Variants in CHN2 observed in about 807,000 individuals in gnomAD.
CHN2 encodes chimerin 2, also known as beta-chimaerin.
Under a neutral mutation model 56.3 loss-of-function variants are expected in CHN2, and 35 were observed. The ratio of observed to expected loss-of-function variants is 0.62; its 90% CI spans 0.47 to 0.82. CHN2 has a LOEUF of 0.82. CHN2 is among the 40% of genes least tolerant of loss of function. The pLI is 0.00. For missense variants in CHN2, 491 were observed against 580.5 expected, an observed-to-expected ratio of 0.85 and a Z score of 1.58; for synonymous variants, 210 against 212.8, an observed-to-expected ratio of 0.99 and a Z score of 0.12.
At chr7:29,457,189 G>C (rs1784829503) in intron 6 of CHN2, among the ~76,000 whole-genome samples, 1 of 152,168 alleles carries the variant, frequency 6.6e-6, no homozygotes, top group African/African-American at 2.4e-5. Flanking sequence ...GCAGGTCCTG[G>C]ATGACCTCAG....
chr7:29,264,820 GAAAA>G, intron 1 of CHN2, among the ~76,000 whole-genome samples: 1 of 124,480 alleles, frequency 8.0e-6, no homozygotes, highest in African/African-American at 2.9e-5. Flanking sequence ...ACTAAAAGGG[GAAAA>G]AAAAAAAAAG....
At position 29,345,956 on chromosome 7, in the gene CHN2, G is replaced by A. The variant is rs114106102; in HGVS notation, c.50-8669G>A. On this transcript the variant is annotated intron_variant, in intron 1 of 12. Transcript: ENST00000222792. ...ACTATTCTCTGCAAGTGGGACTCAA[G>A]CAGTTAGAAAAATCCGTGCTATGAG... Among the ~76,000 whole-genome samples the A allele has an allele frequency of 2.2e-3, 329 of 152,228 alleles. 1 individual carries two copies. Among genetic ancestry groups the A allele is most frequent in the African/African-American group, 7.6e-3 (316 of 41,532 alleles).
chr7:29,298,246 A>C (rs941538491), intron 1 of CHN2, among the ~76,000 whole-genome samples: 20 of 152,220 alleles, frequency 1.3e-4, no homozygotes, highest in African/African-American at 3.9e-4. Flanking sequence ...TGGCTTCATC[A>C]GCAGGAATTA....
chr7:29,201,001 C>T (rs1053426534), intron 1 of CHN2, among the ~76,000 whole-genome samples: 4 of 152,186 alleles, frequency 2.6e-5, no homozygotes, highest in East Asian at 1.9e-4. Context: ...ATTAATTGTA[C>T]ACCTTTGTGA....
intron 6 of CHN2, among the ~76,000 whole-genome samples, chr7:29,434,046 TC>T (rs1403472517): frequency 6.6e-6 from 1 of 152,200 alleles, no homozygotes; most frequent in Non-Finnish European, 1.5e-5. Context: ...CTCTTGGCCA[TC>T]TTTTCTTCCT....
At position 29,434,709 on chromosome 7, in the gene CHN2, T is replaced by C. The variant is rs1336020249; in HGVS notation, c.576+33881T>C. On this transcript the variant is annotated intron_variant, in intron 6 of 12. Transcript: ENST00000222792. ...CAAATAAGGCCATAGTCGCAGGTAC[T>C]GGGGTTGAATATATCTTTTGGAGAA... Among the ~76,000 whole-genome samples the C allele has an allele frequency of 3.3e-5, 5 of 152,358 alleles. No individual in the cohort carries two copies. The East Asian group carries it at 9.6e-4, about 29-fold the overall frequency.
intron 6 of CHN2, among the ~76,000 whole-genome samples, chr7:29,420,625 A>C (rs1247000151): frequency 6.6e-6 from 1 of 152,184 alleles, no homozygotes; most frequent in Non-Finnish European, 1.5e-5. Context: ...TGAAATGCAG[A>C]ATGGTTGTCA....
At chr7:29,483,861 C>A (rs1468184688) in intron 7 of CHN2, 2 of 1,300,148 alleles carry the variant, frequency 1.5e-6, no homozygotes, top group Non-Finnish European at 1.0e-6. Flanking sequence ...CTGGCCACAC[C>A]ATGTTCTTCC....
intron 3 of CHN2, among the ~76,000 whole-genome samples, chr7:29,382,078 T>C (rs193228380): frequency 8.5e-5 from 13 of 152,310 alleles, no homozygotes; most frequent in Non-Finnish European, 8.8e-5. Context: ...ACCTCTTGGG[T>C]AATCATGAGG....
intron 9 of CHN2, among the ~76,000 whole-genome samples, chr7:29,504,028 C>G (rs1160790498): frequency 6.6e-6 from 1 of 152,188 alleles, no homozygotes; most frequent in Non-Finnish European, 1.5e-5. Flanking sequence ...ATAACCAAAA[C>G]TTTATTTTCC....
intron 3 of CHN2, among the ~76,000 whole-genome samples, chr7:29,387,545 A>C (rs1801012457): frequency 6.6e-6 from 1 of 152,210 alleles, no homozygotes; most frequent in Non-Finnish European, 1.5e-5. Context: ...TCAAACTTTA[A>C]TGTATCTATG....
At chr7:29,172,389 G>A (rs1796717789) in intron 2 of CHN2, among the ~76,000 whole-genome samples, 1 of 152,156 alleles carries the variant, frequency 6.6e-6, no homozygotes, top group Non-Finnish European at 1.5e-5. Flanking sequence ...GATAGCATCA[G>A]TGTCTAAAGT....
rs1413538744 is a variant in CHN2, at chr7:29,513,677, T to G, written c.*942T>G. 6.6e-6 allele frequency: 1 copy of G among 152,466 alleles called. No homozygotes were observed. Among genetic ancestry groups the G allele is most frequent in the African/African-American group, 2.4e-5 (1 of 41,462 alleles). 9.4% of individuals were successfully genotyped at this position (152,466 alleles called of 1,614,324 possible). A position where few individuals can be genotyped will look rare whatever the true frequency, so the allele number is the denominator to read the frequency against. On this transcript the variant is annotated 3_prime_UTR_variant, in exon 13 of 13. Transcript: ENST00000222792. ...CATCTGTTAATATCAAATTGTATTT[T>G]TGCCACATTTCTGTATTGGTGAAAA... is the stretch of plus-strand genomic sequence containing the variant.
chr7:29,368,024 T>C (rs375693912), intron 3 of CHN2, 37 bp downstream of exon 3: 17 of 1,559,258 alleles, frequency 1.1e-5, no homozygotes, highest in African/African-American at 1.4e-5. Flanking sequence ...CCTTGTTAAA[T>C]ATGATGAATT....
At chr7:29,304,692 G>T (rs1314475338) in intron 1 of CHN2, among the ~76,000 whole-genome samples, 1 of 152,108 alleles carries the variant, frequency 6.6e-6, no homozygotes, top group African/African-American at 2.4e-5. Context: ...TTAAGCCCTC[G>T]CCCATGTAGA....
intron 1 of CHN2, among the ~76,000 whole-genome samples, chr7:29,207,784 A>G (rs1784627764): frequency 6.6e-6 from 1 of 152,158 alleles, no homozygotes; most frequent in South Asian, 2.1e-4. Flanking sequence ...GTTTCTAATC[A>G]AAGAACCGAC....
chr7:29,292,313 C>A (rs539104571), intron 1 of CHN2, among the ~76,000 whole-genome samples: 45 of 152,276 alleles, frequency 3.0e-4, no homozygotes, highest in African/African-American at 9.9e-4. Flanking sequence ...TCCGAGACAA[C>A]CTTTCAATCC....
At chr7:29,445,104 C>G (rs1783936090) in intron 6 of CHN2, 2 of 455,704 alleles carry the variant, frequency 4.4e-6, no homozygotes, top group African/African-American at 2.0e-5. Context: ...TCATTCTCCT[C>G]CACGCTTTCT....
At chr7:29,254,452 G>A (rs1440935109) in intron 1 of CHN2, among the ~76,000 whole-genome samples, 1 of 152,182 alleles carries the variant, frequency 6.6e-6, no homozygotes, top group Non-Finnish European at 1.5e-5. Context: ...GTAACAATGA[G>A]GAGGAGATAC....
Sources: allele counts gnomAD v4.1 joint callset (sites outside exome capture counted in the v4.1 genomes callset), GRCh38; gene constraint gnomAD v4.1.1; transcripts MANE v1.5; gene names NCBI Gene and HGNC (gene_info 2026-07-23, HGNC 2026-07-21).